The following SNRK variants were observed in gnomAD, a reference collection of about 807,000 sequenced individuals.
SNRK encodes the protein SNF related kinase, also known as SNF-related serine/threonine-protein kinase.
Under a neutral mutation model 48.2 loss-of-function variants are expected in SNRK, and 3 were observed. The observed-to-expected ratio is 0.06, with a 90% CI of 0.03 to 0.16. The LOEUF (loss-of-function observed/expected upper bound fraction) is 0.16, where lower values mean the gene tolerates loss of function less well. Ranked by LOEUF, SNRK falls within the 10% of genes least tolerant of loss-of-function variation. The pLI is 1.00. For missense variants in SNRK, 627 were observed against 976.0 expected (o/e 0.64, Z 4.76); for synonymous variants, 376 against 366.1 (o/e 1.03, Z -0.31).
At chr3:43,335,484 GC>G (rs1046050169) in intron 4 of SNRK, among the ~76,000 whole-genome samples, 99 of 151,444 alleles carry the variant, frequency 6.5e-4, no homozygotes, top group African/African-American at 2.3e-3. Context: ...TTTTCAAATT[GC>G]TGAGACTTGC....
intron 2 of SNRK, among the ~76,000 whole-genome samples, chr3:43,302,638 ATTTT>A (rs200971249): frequency 2.2e-5 from 3 of 133,672 alleles, no homozygotes; most frequent in Non-Finnish European, 3.3e-5. Context: ...CACAGAATGG[ATTTT>A]TTTTTTTTTT....
chr3:43,309,389 T>C (rs2090961780), intron 3 of SNRK, among the ~76,000 whole-genome samples: 1 of 152,132 alleles, frequency 6.6e-6, no homozygotes, highest in African/African-American at 2.4e-5. Context: ...AGGTAAAATA[T>C]GTCAAACAGT....
At chr3:43,328,773 A>C (rs1165549710) in intron 3 of SNRK, among the ~76,000 whole-genome samples, 2 of 151,984 alleles carry the variant, frequency 1.3e-5, no homozygotes, top group Non-Finnish European at 2.9e-5. Context: ...TGCCTGCTTG[A>C]ACTTACCTAC....
intron 6 of SNRK, 90 bp downstream of exon 6, chr3:43,343,568 G>C: frequency 7.3e-7 from 1 of 1,378,436 alleles, no homozygotes; most frequent in South Asian, 1.2e-5. Context: ...CTAACTCTTT[G>C]GGGCAAGAGA....
At chr3:43,322,569 T>C (rs571369076) in intron 3 of SNRK, among the ~76,000 whole-genome samples, 25 of 152,218 alleles carry the variant, frequency 1.6e-4, no homozygotes, top group African/African-American at 4.6e-4. Flanking sequence ...ATTAAAGAAG[T>C]TATGTAACTA....
rs1440835572 is a variant in SNRK, at chr3:43,351,137, A to G, written c.*2580A>G. The G allele has an allele frequency of 1.3e-5, 2 of 152,622 alleles. No individual in the cohort carries two copies. The highest frequency in any genetic ancestry group is 1.9e-4 in the East Asian group (1 of 5,192). The allele number at this position is 152,622 out of a possible 1,614,324, so 9.5% of individuals were successfully genotyped here. A position where few individuals can be genotyped will look rare whatever the true frequency, so the allele number is the denominator to read the frequency against. On this transcript the variant is annotated 3_prime_UTR_variant, in exon 7 of 7. Coordinates refer to ENST00000296088, the MANE Select transcript of SNRK (RefSeq NM_017719.5). Reference sequence around the variant, plus strand: ...TAAAGTGACATATTGGTGTTCAGCAATATAAACCGTGTCCTGTGTTGTATT... The same window carrying G: ...TAAAGTGACATATTGGTGTTCAGCAGTATAAACCGTGTCCTGTGTTGTATT...
intron 5 of SNRK, among the ~76,000 whole-genome samples, chr3:43,341,192 T>C (rs1380448300): frequency 3.3e-5 from 5 of 151,830 alleles, no homozygotes; most frequent in African/African-American, 4.8e-5. Flanking sequence ...GCTCTGTCGC[T>C]CAGGCTGGAG....
In SNRK at chr3:43,340,341, G is replaced by A; in HGVS notation, c.786G>A (p.Glu262=). The part of the protein sequence containing the change: ...RDPKRRASLE[E]IENHPWLQGV... The stretch of plus-strand genomic sequence containing the variant: ...CCAAGAGAAGGGCTTCTTTAGAAGA[G>A]ATTGAAAATCATCCTTGGCTTCAGG... Residue 262 remains glutamate, a synonymous_variant, in exon 5 of 7, where the codon GAG becomes GAA. Coordinates refer to ENST00000296088, the MANE Select transcript of SNRK (RefSeq NM_017719.5). The A allele has an allele frequency of 6.2e-7, 1 of 1,614,194 alleles. No homozygotes were observed. Among genetic ancestry groups the A allele is most frequent in the Non-Finnish European group, 8.5e-7 (1 of 1,180,032 alleles).
At chr3:43,292,980 A>G (rs2090824867) in intron 1 of SNRK, among the ~76,000 whole-genome samples, 1 of 152,218 alleles carries the variant, frequency 6.6e-6, no homozygotes, top group Admixed American at 6.5e-5. Flanking sequence ...AATCATTTTT[A>G]AGATTTGAAT....
Position 43,325,949 on chromosome 3 carries a change from T to G in SNRK, c.590-6220T>G, listed in dbSNP as rs189928089. ...TGAAAGAAATCGCCCAAGTATGATG[T>G]TTTCGCCATCTTATCTTTCCGTTTT... is the stretch of plus-strand genomic sequence containing the variant. On this transcript the variant is annotated intron_variant, in intron 3 of 6. Transcript: ENST00000296088. 1.1e-4 allele frequency among the ~76,000 whole-genome samples: 17 copies of G among 152,178 alleles called. No homozygotes were observed. The East Asian group carries it at 2.7e-3, about 24-fold the overall frequency.
intron 1 of SNRK, among the ~76,000 whole-genome samples, chr3:43,296,213 A>G (rs1354394020): frequency 2.6e-5 from 4 of 151,806 alleles, no homozygotes; most frequent in Non-Finnish European, 5.9e-5. Flanking sequence ...TCATTGAGAG[A>G]GTGTTAATTC....
At chr3:43,343,545 T>A (rs2091253358) in intron 6 of SNRK, 67 bp downstream of exon 6, 1 of 1,537,946 alleles carries the variant, frequency 6.5e-7, no homozygotes, top group Non-Finnish European at 8.9e-7. Context: ...TTTTTTTTTT[T>A]TTTTAATGCT....
At chr3:43,296,068 A>G (rs944541526) in intron 1 of SNRK, among the ~76,000 whole-genome samples, 1 of 152,158 alleles carries the variant, frequency 6.6e-6, no homozygotes, top group African/African-American at 2.4e-5. Context: ...TAAAGAAAAC[A>G]GCAGTGGTGA....
intron 1 of SNRK, among the ~76,000 whole-genome samples, chr3:43,296,588 A>G (rs949510134): frequency 1.4e-4 from 22 of 152,030 alleles, no homozygotes; most frequent in Non-Finnish European, 4.4e-5. Flanking sequence ...CAACTCCTCT[A>G]CTTTCTCATG....
At chr3:43,343,611 GC>G in intron 6 of SNRK, 133 bp downstream of exon 6, 1 of 955,350 alleles carries the variant, frequency 1.0e-6, no homozygotes, top group Non-Finnish European at 1.5e-6. Context: ...CATTGGAGAG[GC>G]CACACACGGG....
intron 6 of SNRK, 36 bp downstream of exon 6, chr3:43,343,514 A>G (rs760439089): frequency 6.3e-7 from 1 of 1,595,284 alleles, no homozygotes; most frequent in Admixed American, 1.9e-5. Context: ...TAGTAAGTTT[A>G]ACGTTTTGAA....
At chr3:43,346,499 C>T (rs1042701107) in intron 6 of SNRK, among the ~76,000 whole-genome samples, 1 of 152,188 alleles carries the variant, frequency 6.6e-6, no homozygotes, top group Non-Finnish European at 1.5e-5. Context: ...TTTGGCAACT[C>T]CAGCTCCAGG....
intron 6 of SNRK, among the ~76,000 whole-genome samples, chr3:43,343,842 C>A (rs1471088877): frequency 6.6e-6 from 1 of 152,140 alleles, no homozygotes; most frequent in Non-Finnish European, 1.5e-5. Flanking sequence ...ATTCTAGGAA[C>A]AAGGCTGAAT....
In SNRK at chr3:43,348,325, T is replaced by C; in HGVS notation, c.2066T>C (p.Ile689Thr). ...VQEKSTWKMCISSTGNAGQVP... is the reference protein window; with the variant it reads ...VQEKSTWKMCTSSTGNAGQVP... ...GAGAAATCTACGTGGAAAATGTGCA[T>C]TAGCTCCACAGGGAATGCAGGGCAG... The change falls in exon 7 of 7, where the codon ATT (isoleucine) becomes ACT (threonine). Residue 689 changes from isoleucine (I) to threonine (T), a missense_variant. Physicochemically the swap from Ile to Thr is moderately conservative, Grantham distance 89. Transcript: ENST00000296088. The C allele has an allele frequency of 6.2e-7, 1 of 1,612,730 alleles. No individual in the cohort carries two copies. The highest frequency in any genetic ancestry group is 8.5e-7 in the Non-Finnish European group (1 of 1,179,274).
Sources: gnomAD v4.1 joint callset for allele counts (sites outside exome capture counted in the v4.1 genomes callset) on GRCh38, gnomAD v4.1.1 for gene constraint, MANE v1.5 for transcripts, NCBI Gene and HGNC (gene_info 2026-07-23, HGNC 2026-07-21) for gene names.